ABR: variants seen among roughly 807,000 people sequenced by gnomAD.
The protein encoded by ABR is active breakpoint cluster region-related protein.
ABR carries 35 observed loss-of-function variants against 107.2 expected under a neutral mutation model. That is an observed-to-expected ratio of 0.33 (90% CI 0.25 to 0.43). The LOEUF is 0.43. ABR is among the 20% of genes least tolerant of loss of function. The probability of loss-of-function intolerance (pLI) is 1.00; values close to 1 mark genes in which losing one functional copy is unlikely to be tolerated. For missense variants in ABR, 815 were observed against 1,115.2 expected (o/e 0.73, Z 3.83); for synonymous variants, 498 against 462.0 (o/e 1.08, Z -1.00).
intron 1 of ABR, among the ~76,000 whole-genome samples, chr17:1,139,239 GT>G (rs1010113947): frequency 2.6e-5 from 4 of 151,962 alleles, no homozygotes; most frequent in African/African-American, 7.2e-5. Context: ...AAAAAAAGAG[GT>G]TTTTTTTGTT....
intron 5 of ABR, among the ~76,000 whole-genome samples, chr17:1,080,840 T>C (rs1052819965): frequency 5.9e-5 from 9 of 152,116 alleles, no homozygotes; most frequent in Non-Finnish European, 1.2e-4. Flanking sequence ...TCGGGAATGT[T>C]TCCTCACGCC....
At chr17:1,024,222 A>G (rs116600167) in intron 16 of ABR, among the ~76,000 whole-genome samples, 1,905 of 152,194 alleles carry the variant, frequency 0.013, 41 homozygotes, top group African/African-American at 0.043. Context: ...TCTCACGTTC[A>G]GTGGCGTCGT....
At chr17:1,031,455 G>A (rs1280574974) in intron 16 of ABR, 3 of 553,204 alleles carry the variant, frequency 5.4e-6, no homozygotes, top group South Asian at 9.1e-5. Flanking sequence ...TTAGAGGGAC[G>A]CGCACAGACC....
rs1041956597 is a variant in ABR at position 1,205,058 on chromosome 17, C to T, written c.838+23735G>A. ...AGCTGGGATAACGGGTGCACCACCA[C>T]GCCCGGCTAATTTTTGTATTTTTAG... On this transcript the variant is annotated intron_variant, in intron 1 of 22. Coordinates refer to the ABR transcript ENST00000574139. 5.3e-5 allele frequency among the ~76,000 whole-genome samples: 8 copies of T among 151,894 alleles called. No homozygotes were observed. The South Asian group carries it at 1.2e-3, about 24-fold the overall frequency.
chr17:1,041,300 T>A lies in ABR; in HGVS notation c.1791+8750A>T, dbSNP rs112853207. ...AGCCCAGGGCCTGCCATTCAGAGGATGTATCGTAAACAGAAACAAGTGAGT... is the reference window on the plus strand; with the variant it reads ...AGCCCAGGGCCTGCCATTCAGAGGAAGTATCGTAAACAGAAACAAGTGAGT... On this transcript the variant is annotated intron_variant, in intron 16 of 22. Coordinates refer to ENST00000302538, the MANE Select transcript of ABR (RefSeq NM_021962.5). 1.8e-3 allele frequency among the ~76,000 whole-genome samples: 277 copies of A among 152,342 alleles called. 2 individuals are homozygous for A. Among genetic ancestry groups the A allele is most frequent in the African/African-American group, 6.3e-3 (263 of 41,574 alleles).
intron 1 of ABR, among the ~76,000 whole-genome samples, chr17:1,207,224 A>C (rs1347963477): frequency 1.3e-5 from 2 of 149,928 alleles, no homozygotes; most frequent in Non-Finnish European, 3.0e-5. Context: ...CTGGCACTCC[A>C]GCCTGGGCAA....
chr17:1,120,093 C>G lies in ABR; in HGVS notation c.246+5090G>C, dbSNP rs2039281184. On this transcript the variant is annotated intron_variant, in intron 2 of 22. Coordinates refer to ENST00000302538, the MANE Select transcript of ABR (RefSeq NM_021962.5). ...GCAAATTACGTCACCTCTCCGAGCC[C>G]CAGTTTTCGCACCTGTAATGTGGAG... Among the ~76,000 whole-genome samples the G allele has an allele frequency of 2.6e-5, 4 of 151,978 alleles. No individual in the cohort carries two copies. In the South Asian group the frequency reaches 8.3e-4, roughly 32 times the overall value.
chr17:1,076,718 G>GT (rs1163178722), intron 6 of ABR, among the ~76,000 whole-genome samples: 2 of 112,920 alleles, frequency 1.8e-5, no homozygotes, highest in South Asian at 3.4e-4. Context: ...GGTGCACGGG[G>GT]GGGGTGGGGG....
chr17:1,147,726 T>C (rs1254660043), intron 1 of ABR, among the ~76,000 whole-genome samples: 1 of 152,078 alleles, frequency 6.6e-6, no homozygotes, highest in African/African-American at 2.4e-5. Context: ...AGCCCTTCCA[T>C]GTATGCTCAG....
chr17:1,173,876 C>T (rs961932936), intron 1 of ABR, among the ~76,000 whole-genome samples: 1 of 152,230 alleles, frequency 6.6e-6, no homozygotes, highest in African/African-American at 2.4e-5. Flanking sequence ...CGAGGCTTTC[C>T]CGGATGAGGA....
chr17:1,177,206 A>G (rs540373642), intron 1 of ABR, among the ~76,000 whole-genome samples: 57 of 152,308 alleles, frequency 3.7e-4, no homozygotes, highest in Non-Finnish European at 6.2e-4. Context: ...CAGCTCGGGT[A>G]TTTGTTTTAA....
intron 16 of ABR, among the ~76,000 whole-genome samples, chr17:1,013,427 G>T (rs975195549): frequency 2.0e-5 from 3 of 149,750 alleles, no homozygotes; most frequent in African/African-American, 7.6e-5. Flanking sequence ...CGCCGTGGGG[G>T]AGGCAGGGCA....
At chr17:1,113,278 A>ATTTTT (rs33922708) in intron 2 of ABR, among the ~76,000 whole-genome samples, 5 of 104,118 alleles carry the variant, frequency 4.8e-5, no homozygotes, top group South Asian at 3.4e-4. Flanking sequence ...ACCTATTGCG[A>ATTTTT]TTTTTTTTTT....
At chr17:1,199,260 C>T (rs969297157) in intron 1 of ABR, among the ~76,000 whole-genome samples, 19 of 150,834 alleles carry the variant, frequency 1.3e-4, no homozygotes, top group Non-Finnish European at 7.4e-5. Context: ...TGAGCCAGGG[C>T]CCGGCTAGGA....
At chr17:1,223,644 G>A (rs1210129477) in intron 1 of ABR, among the ~76,000 whole-genome samples, 1 of 152,124 alleles carries the variant, frequency 6.6e-6, no homozygotes, top group Non-Finnish European at 1.5e-5. Context: ...ACCCGAGACT[G>A]GGTAATTTAT....
chr17:1,025,718 G>A (rs73285554), intron 16 of ABR, among the ~76,000 whole-genome samples: 2,531 of 152,212 alleles, frequency 0.017, 64 homozygotes, highest in East Asian at 0.12. Flanking sequence ...GCATCCCCCC[G>A]TCACTCTCTA....
chr17:1,215,411 G>A (rs562443178), intron 1 of ABR, among the ~76,000 whole-genome samples: 6 of 152,166 alleles, frequency 3.9e-5, no homozygotes, highest in Non-Finnish European at 5.9e-5. Flanking sequence ...ACTGGTTTTC[G>A]TATTTTTTTG....
Position 1,070,144 on chromosome 17 carries a change from C to T in ABR, c.895-54G>A. 6.2e-7 allele frequency: 1 copy of T among 1,606,788 alleles called. No individual in the cohort carries two copies. The highest frequency in any genetic ancestry group is 8.5e-7 in the Non-Finnish European group (1 of 1,176,652). ...GCTCAGAGGGGAATGCGGCCGAGGG[C>T]AGAGCCTGCACACGGGGGCACGGCC... is the stretch of plus-strand genomic sequence containing the variant. On this transcript the variant is annotated intron_variant, in intron 8 of 22. Transcript: ENST00000302538. The surrounding 1 kb of genome is among the most constrained non-coding windows in gnomAD (Gnocchi z 4.2).
intron 16 of ABR, among the ~76,000 whole-genome samples, chr17:1,014,351 G>A (rs1437438613): frequency 7.6e-6 from 1 of 132,298 alleles, no homozygotes; most frequent in African/African-American, 2.9e-5. Flanking sequence ...TGAGGCAGGA[G>A]AATAGCGTGA....
Sources: gnomAD v4.1 joint callset for allele counts (sites outside exome capture counted in the v4.1 genomes callset) on GRCh38, gnomAD v4.1.1 for gene constraint, Gnocchi (gnomAD v3.1) non-coding constraint, MANE v1.5 for transcripts, NCBI Gene and HGNC (gene_info 2026-07-23, HGNC 2026-07-21) for gene names.